The following CNDP1 variants were observed in gnomAD, a reference collection of about 807,000 sequenced individuals.
The protein encoded by CNDP1 is carnosine dipeptidase 1, also known as beta-Ala-His dipeptidase.
Under a neutral mutation model 58.1 loss-of-function variants are expected in CNDP1, and 44 were observed. The ratio of observed to expected loss-of-function variants is 0.76; its 90% CI spans 0.60 to 0.97. The LOEUF (loss-of-function observed/expected upper bound fraction) is 0.97. Ranked by LOEUF, CNDP1 falls within the 50% of genes least tolerant of loss-of-function variation. The pLI, the probability that CNDP1 is intolerant of heterozygous loss-of-function variation, is 0.00. For synonymous variants in CNDP1, 254 were observed against 252.6 expected, an observed-to-expected ratio of 1.01 and a Z score of -0.05; for missense variants, 616 against 655.1, an observed-to-expected ratio of 0.94 and a Z score of 0.65.
chr18:74,571,091 G>A, intron 6 of CNDP1, 95 bp from the exon 7 acceptor site: 1 of 787,440 alleles, frequency 1.3e-6, no homozygotes, highest in Non-Finnish European at 2.2e-6. Flanking sequence ...TGAGTTCTGA[G>A]GGACACACGC....
At chr18:74,573,856 C>A (rs1466326583) in intron 7 of CNDP1, among the ~76,000 whole-genome samples, 3 of 151,474 alleles carry the variant, frequency 2.0e-5, no homozygotes, top group East Asian at 3.9e-4. Context: ...TGAATGAAGT[C>A]AAAAACGTGG....
intron 2 of CNDP1, 128 bp downstream of exon 2, chr18:74,556,594 T>A: frequency 1.9e-6 from 2 of 1,029,680 alleles, no homozygotes; most frequent in East Asian, 4.8e-5. Flanking sequence ...TGCCTATGAC[T>A]GCTCATTGGG....
Position 74,545,130 on chromosome 18 carries a change from T to C in CNDP1, c.24+10439T>C, listed in dbSNP as rs568925392. 1.3e-5 allele frequency among the ~76,000 whole-genome samples: 2 copies of C among 152,204 alleles called. No individual in the cohort carries two copies. The highest frequency in any genetic ancestry group is 2.9e-5 in the Non-Finnish European group (2 of 68,032). On this transcript the variant is annotated intron_variant, in intron 1 of 11. Coordinates refer to ENST00000358821, the MANE Select transcript of CNDP1 (RefSeq NM_032649.6). This position sits in a 1 kb window ranked among gnomAD's most constrained non-coding sequence, Gnocchi z 4.1. ...TTTAGGTTTCTGGCCTCTAAAACTGTGGGAGAATAAAGTCCTGGTGTTTGG... is the reference window on the plus strand; with the variant it reads ...TTTAGGTTTCTGGCCTCTAAAACTGCGGGAGAATAAAGTCCTGGTGTTTGG...
In CNDP1 at chr18:74,559,528, C is replaced by T. The variant is rs1364455348; in HGVS notation, c.303+56C>T. 6 of 1,539,842 alleles carry T rather than the reference C, an allele frequency of 3.9e-6. No homozygotes were observed. In the East Asian group the frequency reaches 1.1e-4, roughly 29 times the overall value. On this transcript the variant is annotated intron_variant, in intron 3 of 11. Coordinates refer to ENST00000358821, the MANE Select transcript of CNDP1 (RefSeq NM_032649.6). ...GTGCTACTTCTAGACGTCAGTCATG[C>T]CTTCCCGGGGGTGGCAAGGGAGAGG...
intron 7 of CNDP1, among the ~76,000 whole-genome samples, chr18:74,575,736 T>TGC (rs1981615023): frequency 6.6e-6 from 1 of 152,060 alleles, no homozygotes; most frequent in African/African-American, 2.4e-5. Context: ...TGTGTGTGTG[T>TGC]GCGTGTGTGC....
At chr18:74,551,469 G>A (rs138403533) in intron 1 of CNDP1, among the ~76,000 whole-genome samples, 215 of 152,158 alleles carry the variant, frequency 1.4e-3, no homozygotes, top group African/African-American at 5.1e-3. Context: ...GTGAAGGCGG[G>A]ATTCATGTCC....
At chr18:74,577,076 T>A (rs778439218) in intron 8 of CNDP1, 47 bp downstream of exon 8, 1 of 1,521,938 alleles carries the variant, frequency 6.6e-7, no homozygotes, top group Admixed American at 1.9e-5. Flanking sequence ...ATGAGGCTAG[T>A]ATATCATATT....
chr18:74,548,386 G>A (rs748309658), intron 1 of CNDP1, among the ~76,000 whole-genome samples: 2 of 152,166 alleles, frequency 1.3e-5, no homozygotes, highest in African/African-American at 2.4e-5. Flanking sequence ...TTCTTGCCAT[G>A]TGAGGAGCCT....
Position 74,571,277 on chromosome 18 carries a change from C to A in CNDP1, c.841+7C>A, listed in dbSNP as rs1981473631. On this transcript the variant is annotated splice_region_variant and intron_variant, in intron 7 of 11. Coordinates refer to ENST00000358821, the MANE Select transcript of CNDP1 (RefSeq NM_032649.6). Reference sequence around the variant, plus strand: ...GATCTGGTTGCTCTTCTCGGTAATGCCTTATTTTGTTTCACTTTTTAAGCA... The same window carrying A: ...GATCTGGTTGCTCTTCTCGGTAATGACTTATTTTGTTTCACTTTTTAAGCA... 6.3e-7 allele frequency: 1 copy of A among 1,590,268 alleles called. No homozygotes were observed. The highest frequency in any genetic ancestry group is 1.3e-5 in the African/African-American group (1 of 74,368).
At chr18:74,570,241 T>A (rs57021734) in intron 6 of CNDP1, among the ~76,000 whole-genome samples, 903 of 71,044 alleles carry the variant, frequency 0.013, 10 homozygotes, top group African/African-American at 0.06. Flanking sequence ...TAATAAATAA[T>A]TAAAAAAAAA....
In CNDP1 at chr18:74,584,158, A is replaced by G; in HGVS notation, c.1458-338A>G. On this transcript the variant is annotated intron_variant, in intron 11 of 11. Coordinates refer to ENST00000358821, the MANE Select transcript of CNDP1 (RefSeq NM_032649.6). The stretch of plus-strand genomic sequence containing the variant: ...AAAGGCTATTAGGAATGTTTGCTTT[A>G]TGCGCTACTGGCAGATACTACAAGA... 3 of 347,578 alleles carry G rather than the reference A, an allele frequency of 8.6e-6. 1 individual carries two copies. The South Asian group carries it at 1.1e-4, about 13-fold the overall frequency. 21.5% of individuals were successfully genotyped at this position (347,578 alleles called of 1,614,324 possible). A position where few individuals can be genotyped will look rare whatever the true frequency, so the allele number is the denominator to read the frequency against.
chr18:74,563,739 G>A (rs1329583481), intron 5 of CNDP1, among the ~76,000 whole-genome samples: 1 of 152,126 alleles, frequency 6.6e-6, no homozygotes, highest in Non-Finnish European at 1.5e-5. Flanking sequence ...CCCTCCCTGG[G>A]TTATTTTCTA....
At chr18:74,536,738 G>A (rs951611241) in intron 1 of CNDP1, among the ~76,000 whole-genome samples, 3 of 152,152 alleles carry the variant, frequency 2.0e-5, no homozygotes, top group African/African-American at 7.2e-5. Flanking sequence ...CACAATAATT[G>A]AACTAATTTA....
At chr18:74,541,192 G>A (rs1367248337) in intron 1 of CNDP1, among the ~76,000 whole-genome samples, 6 of 152,334 alleles carry the variant, frequency 3.9e-5, no homozygotes, top group African/African-American at 9.6e-5. Context: ...GTGCAGCCTC[G>A]GTCATGGGCT....
In CNDP1 at chr18:74,563,607, G is replaced by A. The variant is rs572216151; in HGVS notation, c.555+1472G>A. On this transcript the variant is annotated intron_variant, in intron 5 of 11. Transcript: ENST00000358821. The stretch of plus-strand genomic sequence containing the variant: ...AGTTTCTACCTCACAAGCTCGCAGG[G>A]ATTCAGTGAAGAAACATCTCCATGG... Among the ~76,000 whole-genome samples, 3 of 152,274 alleles carry A rather than the reference G, an allele frequency of 2.0e-5. No homozygotes were observed. In the South Asian group the frequency reaches 6.2e-4, roughly 32 times the overall value.
At chr18:74,554,297 C>T (rs1389038467) in intron 1 of CNDP1, among the ~76,000 whole-genome samples, 2 of 152,208 alleles carry the variant, frequency 1.3e-5, no homozygotes. Context: ...TGTAGCATTT[C>T]AGTGCTGATC....
chr18:74,562,870 T>C (rs949136606), intron 5 of CNDP1, among the ~76,000 whole-genome samples: 1 of 152,242 alleles, frequency 6.6e-6, no homozygotes, highest in Admixed American at 6.5e-5. Flanking sequence ...CAGCAGAGGA[T>C]TGGATCTAGC....
Position 74,580,142 on chromosome 18 carries a change from C to T in CNDP1, c.1180C>T (p.Leu394Phe), listed in dbSNP as rs1268396265. ...SAVEKQVTRH[L>F]EDVFSKRNSS... The stretch of plus-strand genomic sequence containing the variant: ...TGTCACCTTTTAGGTGACACGACAT[C>T]TTGAAGATGTGTTCTCCAAAAGAAA... Residue 394 changes from leucine (L) to phenylalanine (F), a missense_variant, in exon 10 of 12, where the codon CTT becomes TTT. By Grantham distance (22) the Leu-to-Phe change is conservative. Transcript: ENST00000358821. 6.2e-7 allele frequency: 1 copy of T among 1,613,342 alleles called. No individual in the cohort carries two copies. Among genetic ancestry groups the T allele is most frequent in the Admixed American group, 1.7e-5 (1 of 59,930 alleles).
intron 10 of CNDP1, 115 bp from the exon 11 acceptor site, chr18:74,583,446 A>G (rs1981834996): frequency 4.7e-6 from 4 of 848,782 alleles, no homozygotes; most frequent in Non-Finnish European, 7.5e-6. Context: ...TGGTAAAAAA[A>G]GAAAGATTAA....
Sources: gnomAD v4.1 joint callset for allele counts (sites outside exome capture counted in the v4.1 genomes callset) on GRCh38, gnomAD v4.1.1 for gene constraint, Gnocchi (gnomAD v3.1) non-coding constraint, MANE v1.5 for transcripts, NCBI Gene and HGNC (gene_info 2026-07-23, HGNC 2026-07-21) for gene names.